PCDHGA3: variants seen among roughly 807,000 people sequenced by gnomAD.
PCDHGA3 encodes protocadherin gamma-A3.
Under a neutral mutation model 58.5 loss-of-function variants are expected in PCDHGA3, and 40 were observed. The observed-to-expected ratio is 0.68, with a 90% CI of 0.53 to 0.89. PCDHGA3 has a LOEUF of 0.89. Ranked by LOEUF, PCDHGA3 falls within the 40% of genes least tolerant of loss-of-function variation. The pLI is 0.00. For synonymous variants in PCDHGA3, 530 were observed against 525.7 expected (o/e 1.01, Z -0.11); for missense variants, 1,223 against 1,195.9 (o/e 1.02, Z -0.33).
rs374140638 is a variant in PCDHGA3 at position 141,487,759 on chromosome 5, C to T, written c.2425-7048C>T. ...TTGTAAGAGGTAACTATGTGGTAGA[C>T]GCTGTGCTTTGTAACTGTTTCGTGA... On this transcript the variant is annotated intron_variant, in intron 1 of 3. Transcript: ENST00000253812. The surrounding 1 kb of genome is among the most constrained non-coding windows in gnomAD (Gnocchi z 5.0). 45 of 1,546,278 alleles carry T rather than the reference C, an allele frequency of 2.9e-5. No individual in the cohort carries two copies. The highest frequency in any genetic ancestry group is 1.1e-4 in the African/African-American group (8 of 73,160).
chr5:141,415,765 T>G (rs1386091482), intron 1 of PCDHGA3: 1 of 1,364,078 alleles, frequency 7.3e-7, no homozygotes, highest in South Asian at 1.7e-5. Flanking sequence ...TTTTTTTTTT[T>G]TTTTTTTACT....
chr5:141,407,949 C>T, intron 1 of PCDHGA3: 1 of 575,256 alleles, frequency 1.7e-6, no homozygotes, highest in Non-Finnish European at 2.8e-6. Context: ...CCGCTGTCGG[C>T]CAGTGCAGAG....
At chr5:141,504,065 G>C (rs1291060280) in intron 2 of PCDHGA3, among the ~76,000 whole-genome samples, 2 of 152,060 alleles carry the variant, frequency 1.3e-5, no homozygotes, top group African/African-American at 2.4e-5. Context: ...AAACTTCTCT[G>C]AGCCAGATGG....
At chr5:141,466,809 C>T (rs1187657283) in intron 1 of PCDHGA3, among the ~76,000 whole-genome samples, 2 of 152,102 alleles carry the variant, frequency 1.3e-5, no homozygotes, top group African/African-American at 4.8e-5. Context: ...CCTATTCAGA[C>T]ATGGTATAAC....
At chr5:141,399,947 C>G in intron 1 of PCDHGA3, 1 of 1,612,228 alleles carries the variant, frequency 6.2e-7, no homozygotes. Context: ...GTGCTGCAGG[C>G]TAGCGAGCCC....
Position 141,511,156 on chromosome 5 carries a change from A to G in PCDHGA3, c.2782A>G (p.Lys928Glu), listed in dbSNP as rs2099883637. 6.2e-7 allele frequency: 1 copy of G among 1,614,080 alleles called. No individual in the cohort carries two copies. The highest frequency in any genetic ancestry group is 1.3e-5 in the African/African-American group (1 of 74,940). Residue 928 changes from lysine (K) to glutamate (E), a missense_variant, in exon 4 of 4, where the codon AAG (lysine) becomes GAG (glutamate). By Grantham distance (56) the Lys-to-Glu change is moderately conservative (BLOSUM62 1). Around this residue, in one of 3 missense-constraint regions of PCDHGA3, gnomAD observed 325 missense variants for 327.5 expected, o/e 0.99. Transcript: ENST00000253812. ...CAATGGCAACAAGAAGAAGTCGGGC[A>G]AGAAGGAGAAGAAGTAACATGGAGG... is the stretch of plus-strand genomic sequence containing the variant. ...GGNGNKKKSG[K>E]KEKK
intron 1 of PCDHGA3, chr5:141,370,493 C>G (rs1766963233): frequency 5.6e-6 from 9 of 1,613,944 alleles, no homozygotes; most frequent in Non-Finnish European, 7.6e-6. Flanking sequence ...CCGAACCGAT[C>G]CGCTACGCTA....
At chr5:141,480,167 G>C (rs752444894) in intron 1 of PCDHGA3, among the ~76,000 whole-genome samples, 3 of 151,964 alleles carry the variant, frequency 2.0e-5, no homozygotes, top group Non-Finnish European at 2.9e-5. Flanking sequence ...ATTTTGGGAG[G>C]CTGAGGCAGG....
intron 1 of PCDHGA3, among the ~76,000 whole-genome samples, chr5:141,348,229 C>T (rs1420198738): frequency 6.6e-6 from 1 of 152,142 alleles, no homozygotes; most frequent in East Asian, 1.9e-4. Flanking sequence ...GGAAAAGGCA[C>T]ATTTAAATGT....
At chr5:141,356,615 T>C (rs1760275066) in intron 1 of PCDHGA3, 1 of 1,614,194 alleles carries the variant, frequency 6.2e-7, no homozygotes, top group African/African-American at 1.3e-5. Flanking sequence ...GCCTCCATCT[T>C]ATCTATGACT....
chr5:141,417,942 C>A (rs1324501154), intron 1 of PCDHGA3: 19 of 1,613,208 alleles, frequency 1.2e-5, no homozygotes, highest in Non-Finnish European at 1.5e-5. Flanking sequence ...TTCTACCCCA[C>A]GCTGTGTGAG....
At chr5:141,497,272 T>G (rs568198729) in intron 2 of PCDHGA3, among the ~76,000 whole-genome samples, 20 of 152,254 alleles carry the variant, frequency 1.3e-4, no homozygotes, top group African/African-American at 4.3e-4. Flanking sequence ...CTAGGCCATT[T>G]ATGTTCCCTC....
intron 1 of PCDHGA3, among the ~76,000 whole-genome samples, chr5:141,483,980 G>C (rs1379963326): frequency 2.0e-5 from 3 of 148,294 alleles, no homozygotes; most frequent in African/African-American, 7.5e-5. Flanking sequence ...CAAGGGAGTA[G>C]CTAGGTTGCT....
At chr5:141,451,812 C>T (rs974567828) in intron 1 of PCDHGA3, among the ~76,000 whole-genome samples, 1 of 149,686 alleles carries the variant, frequency 6.7e-6, no homozygotes, top group Non-Finnish European at 1.5e-5. Context: ...ACCCAGGAGG[C>T]GGAGGTTACA....
chr5:141,504,956 G>A (rs1327603937), intron 2 of PCDHGA3, among the ~76,000 whole-genome samples: 1 of 152,096 alleles, frequency 6.6e-6, no homozygotes, highest in Non-Finnish European at 1.5e-5. Context: ...TATGTTCAAT[G>A]CATTGGACCA....
intron 1 of PCDHGA3, chr5:141,390,730 A>T (rs964390196): frequency 2.0e-5 from 4 of 195,852 alleles, no homozygotes; most frequent in Non-Finnish European, 3.1e-5. Flanking sequence ...TTTAACTGGT[A>T]TGGTCTCCAT....
intron 1 of PCDHGA3, chr5:141,416,001 G>C (rs2095980823): frequency 4.0e-6 from 1 of 253,062 alleles, no homozygotes; most frequent in Non-Finnish European, 7.3e-6. Flanking sequence ...AGGCAGGTCT[G>C]GTAAGAATAG....
intron 1 of PCDHGA3, chr5:141,419,610 C>G: frequency 1.9e-6 from 3 of 1,612,130 alleles, no homozygotes; most frequent in Middle Eastern, 1.8e-4. Flanking sequence ...GCCGCGCAGC[C>G]AGGCTACCTG....
At chr5:141,369,244 TTAAA>T (rs1159204045) in intron 1 of PCDHGA3, among the ~76,000 whole-genome samples, 2 of 152,116 alleles carry the variant, frequency 1.3e-5, no homozygotes, top group Admixed American at 1.3e-4. Flanking sequence ...ACTTATATAA[TTAAA>T]TAATATAATT....
Sources: allele counts gnomAD v4.1 joint callset (sites outside exome capture counted in the v4.1 genomes callset), GRCh38; gene constraint gnomAD v4.1.1; regional missense constraint gnomAD v4.1.1; non-coding constraint Gnocchi (gnomAD v3.1); transcripts MANE v1.5; gene names NCBI Gene and HGNC (gene_info 2026-07-23, HGNC 2026-07-21).